The following DNAH10 variants were observed in gnomAD, a reference collection of about 807,000 sequenced individuals.
DNAH10 encodes axonemal beta dynein heavy chain 10.
Under a neutral mutation model 506.6 loss-of-function variants are expected in DNAH10, and 348 were observed. That is an observed-to-expected ratio of 0.69 (90% CI 0.63 to 0.75). The LOEUF (loss-of-function observed/expected upper bound fraction) is 0.75, where lower values mean the gene tolerates loss of function less well. DNAH10 is among the 30% of genes least tolerant of loss of function. DNAH10 has a pLI of 0.00. For synonymous variants in DNAH10, 2,059 were observed against 2,198.6 expected (o/e 0.94, Z 1.78); for missense variants, 5,179 against 5,787.1 (o/e 0.89, Z 3.41).
intron 28 of DNAH10, among the ~76,000 whole-genome samples, chr12:123,836,056 G>A (rs372119303): frequency 2.1e-4 from 32 of 152,094 alleles, no homozygotes; most frequent in East Asian, 1.5e-3. Context: ...AGCAATATTT[G>A]CTTGTTTAAA....
intron 37 of DNAH10, among the ~76,000 whole-genome samples, chr12:123,857,789 G>A (rs1039502361): frequency 1.3e-5 from 2 of 152,176 alleles, no homozygotes; most frequent in Admixed American, 1.3e-4. Flanking sequence ...TCACATTACT[G>A]TGCAACCATC....
chr12:123,897,138 A>G (rs1348823518), intron 54 of DNAH10, among the ~76,000 whole-genome samples: 3 of 152,160 alleles, frequency 2.0e-5, no homozygotes, highest in Non-Finnish European at 4.4e-5. Flanking sequence ...TTCACTTAGC[A>G]TCATGTTTTT....
rs1176210541 is a variant in DNAH10 at position 123,919,971 on chromosome 12, A to G, written c.11506+1022A>G. Among the ~76,000 whole-genome samples the G allele has an allele frequency of 6.6e-6, 1 of 152,220 alleles. No individual in the cohort carries two copies. Among genetic ancestry groups the G allele is most frequent in the Admixed American group, 6.5e-5 (1 of 15,284 alleles). On this transcript the variant is annotated intron_variant, in intron 65 of 78. Coordinates refer to ENST00000673944, the MANE Select transcript of DNAH10 (RefSeq NM_001372106.1). This position sits in a 1 kb window ranked among gnomAD's most constrained non-coding sequence, Gnocchi z 4.9. ...GTGTGTTTTTAATTCTCTTGGGGGT[A>G]TATCTAGAAAGGGAACTGCTGGGTC...
rs1321747270 is a variant in DNAH10 at position 123,803,758 on chromosome 12, G to T, written c.2712G>T (p.Arg904Ser). The T allele has an allele frequency of 1.2e-6, 2 of 1,611,376 alleles. No individual in the cohort carries two copies. The highest frequency in any genetic ancestry group is 1.7e-5 in the Admixed American group (1 of 58,874). ...IHKNADDISS[R>S]LTLIEAINLF... ...AGAATGCAGATGACATTTCTTCCAG[G>T]CTGACATTAATAGAGGCCATAAATC... is the stretch of plus-strand genomic sequence containing the variant. The change falls in exon 17 of 79, where the codon AGG becomes AGT. Residue 904 changes from arginine to serine, a missense_variant. Arg to Ser is a moderately radical substitution (Grantham distance 110). This residue lies in a region of DNAH10 where 4,844 missense variants were observed against 5,430.5 expected (regional missense o/e 0.89). Transcript: ENST00000673944.
rs144503939 is a variant in DNAH10 at position 123,932,103 on chromosome 12, T to C, written c.13291T>C (p.Leu4431=). The change falls in exon 76 of 79, where the codon TTG becomes CTG. Residue 4431 remains leucine, a synonymous_variant. Coordinates refer to ENST00000673944, the MANE Select transcript of DNAH10 (RefSeq NM_001372106.1). ...YFLRRFSQYM[L]WVTESEPSVM... ...CCTGCGGCGGTTCAGCCAGTACATG[T>C]TGTGGGTAAGTGGCACGTCACCGCC... The C allele has an allele frequency of 1.8e-4, 284 of 1,613,536 alleles. 1 individual carries two copies. The highest frequency in any genetic ancestry group is 7.0e-4 in the Middle Eastern group (4 of 5,730).
chr12:123,836,674 AC>A (rs1185812491), intron 28 of DNAH10, among the ~76,000 whole-genome samples: 11 of 152,242 alleles, frequency 7.2e-5, no homozygotes. Flanking sequence ...AGAGTTTATA[AC>A]TGTTTCATAT....
At chr12:123,842,045 C>T (rs969265172) in intron 30 of DNAH10, among the ~76,000 whole-genome samples, 6 of 152,300 alleles carry the variant, frequency 3.9e-5, no homozygotes, top group Middle Eastern at 3.4e-3. Context: ...AATGATCACC[C>T]GATGCAGTAC....
chr12:123,838,668 C>T lies in DNAH10; in HGVS notation c.5115C>T (p.Cys1705=), dbSNP rs746224204. ...LSILGSSDPL[C]VQEHMIKMYD... ...TTCTGGGGAGCAGCGACCCACTCTG[C>T]GTCCAGGAGCACATGATCAAGGTCA... Residue 1705 remains cysteine (C), a synonymous_variant, in exon 29 of 79, where the codon TGC becomes TGT. Transcript: ENST00000673944. 1.3e-5 allele frequency: 21 copies of T among 1,613,746 alleles called. No individual in the cohort carries two copies. Among genetic ancestry groups the T allele is most frequent in the South Asian group, 9.9e-5 (9 of 91,086 alleles).
chr12:123,871,333 C>G (rs1172167469), intron 44 of DNAH10, 124 bp from the exon 45 acceptor site: 38 of 1,114,856 alleles, frequency 3.4e-5, no homozygotes, highest in Non-Finnish European at 1.3e-5. Flanking sequence ...TTTCTGAGGT[C>G]ATGTCTTGGC....
rs972036757 is a variant in DNAH10 at position 123,783,818 on chromosome 12, G to A, written c.1000-129G>A. On this transcript the variant is annotated intron_variant, in intron 7 of 78. Transcript: ENST00000673944. ...CTATGATTGGACCACCCAGGGTCAA[G>A]AGCCCACCCCTGAAGACCCTGAAGG... 2.3e-5 allele frequency: 18 copies of A among 794,066 alleles called. No homozygotes were observed. The African/African-American group carries it at 3.0e-4, about 13-fold the overall frequency. 49.2% of individuals were successfully genotyped at this position (794,066 alleles called of 1,614,324 possible).
intron 41 of DNAH10, among the ~76,000 whole-genome samples, chr12:123,867,081 C>T (rs1448802388): frequency 6.6e-6 from 1 of 152,236 alleles, no homozygotes; most frequent in Non-Finnish European, 1.5e-5. Flanking sequence ...AGGACCCTTG[C>T]AATCCCTGGT....
At chr12:123,766,237 A>G (rs1182423111) in intron 1 of DNAH10, among the ~76,000 whole-genome samples, 1 of 151,578 alleles carries the variant, frequency 6.6e-6, no homozygotes, top group African/African-American at 2.4e-5. Context: ...CTGTCTGTCT[A>G]TCTCTGTCTG....
intron 11 of DNAH10, among the ~76,000 whole-genome samples, chr12:123,790,890 C>A (rs553165453): frequency 6.6e-6 from 1 of 151,972 alleles, no homozygotes; most frequent in Admixed American, 6.6e-5. Context: ...TTTGGGAGGC[C>A]GAGGAGAGAG....
intron 58 of DNAH10, 58 bp from the exon 59 acceptor site, chr12:123,910,478 T>C: frequency 6.3e-7 from 1 of 1,587,948 alleles, no homozygotes; most frequent in Non-Finnish European, 8.6e-7. Context: ...TTTTGTCTAT[T>C]TTATGCTCCC....
At position 123,870,471 on chromosome 12, in the gene DNAH10, T is replaced by C; in HGVS notation, c.7625T>C (p.Phe2542Ser). 6.2e-7 allele frequency: 1 copy of C among 1,613,552 alleles called. No individual in the cohort carries two copies. Among genetic ancestry groups the C allele is most frequent in the Non-Finnish European group, 8.5e-7 (1 of 1,179,826 alleles). The change falls in exon 44 of 79, where the codon TTC becomes TCC. Residue 2542 changes from phenylalanine (F) to serine (S), a missense_variant. By Grantham distance (155) the Phe-to-Ser change is radical (BLOSUM62 -2). This residue lies in a region of DNAH10 where 4,844 missense variants were observed against 5,430.5 expected (regional missense o/e 0.89). Coordinates refer to ENST00000673944, the MANE Select transcript of DNAH10 (RefSeq NM_001372106.1). ...PEYIHAPERK[F>S]INILVHTVDT... is the part of the protein sequence containing the mutation. ...TATATTCATGCCCCCGAGAGGAAAT[T>C]CATCAACATCCTGGGTAAGTCAGAG...
rs950696695 is a variant in DNAH10 at position 123,853,826 on chromosome 12, GCA to G, written c.6438+482_6438+483del. Among the ~76,000 whole-genome samples the G allele has an allele frequency of 4.9e-4, 73 of 150,042 alleles. No individual in the cohort carries two copies. The highest frequency in any genetic ancestry group is 1.6e-3 in the African/African-American group (63 of 40,580). On this transcript the variant is annotated intron_variant, in intron 36 of 78. Coordinates refer to ENST00000673944, the MANE Select transcript of DNAH10 (RefSeq NM_001372106.1). The surrounding 1 kb of genome is among the most constrained non-coding windows in gnomAD (Gnocchi z 4.7). ...CTCAATGTTGCACGCACACACGCAC[GCA>G]CACACACGCACACGCACGGACACAC...
intron 60 of DNAH10, 60 bp from the exon 61 acceptor site, chr12:123,914,268 GT>G: frequency 6.8e-7 from 1 of 1,479,944 alleles, no homozygotes; most frequent in South Asian, 1.2e-5. Context: ...CTTCTGGAAT[GT>G]TCCTTTTGGT....
At chr12:123,781,654 C>T (rs759768640) in intron 6 of DNAH10, among the ~76,000 whole-genome samples, 5 of 152,026 alleles carry the variant, frequency 3.3e-5, no homozygotes, top group African/African-American at 4.8e-5. Context: ...TTAATAGAGA[C>T]GGGGTTTTAC....
chr12:123,923,849 C>A lies in DNAH10; in HGVS notation c.11593C>A (p.Leu3865Ile), dbSNP rs764960821. ...QAEGRVPQEE[L>I]DFFLKGNISL... ...AGAAGGGAGAGTCCCTCAAGAAGAACTAGATTTCTTTTTAAAAGGTAATGA... is the reference window on the plus strand; with the variant it reads ...AGAAGGGAGAGTCCCTCAAGAAGAAATAGATTTCTTTTTAAAAGGTAATGA... Residue 3865 changes from leucine to isoleucine, a missense_variant, in exon 66 of 79, where the codon CTA becomes ATA. Transcript: ENST00000673944. 107 of 1,609,660 alleles carry A rather than the reference C, an allele frequency of 6.6e-5. No homozygotes were observed. Among genetic ancestry groups the A allele is most frequent in the Non-Finnish European group, 8.8e-5 (104 of 1,178,606 alleles).
Sources: allele counts gnomAD v4.1 joint callset (sites outside exome capture counted in the v4.1 genomes callset), GRCh38; gene constraint gnomAD v4.1.1; regional missense constraint gnomAD v4.1.1; non-coding constraint Gnocchi (gnomAD v3.1); transcripts MANE v1.5; gene names NCBI Gene and HGNC (gene_info 2026-07-23, HGNC 2026-07-21).